Variants in EDN3 observed in about 807,000 individuals in gnomAD.
EDN3 encodes endothelin-3.
Under a neutral mutation model 21.4 loss-of-function variants are expected in EDN3, and 9 were observed. The observed-to-expected ratio is 0.42, with a 90% CI of 0.25 to 0.73. The LOEUF is 0.73. Ranked by LOEUF, EDN3 falls within the 30% of genes least tolerant of loss-of-function variation. EDN3 has a pLI of 0.26. For missense variants in EDN3, 327 were observed against 309.4 expected, an observed-to-expected ratio of 1.06 and a Z score of -0.43; for synonymous variants, 133 against 126.2, an observed-to-expected ratio of 1.05 and a Z score of -0.36.
At chr20:59,316,324 C>T (rs949324523) in intron 2 of EDN3, among the ~76,000 whole-genome samples, 2 of 152,208 alleles carry the variant, frequency 1.3e-5, no homozygotes, top group Non-Finnish European at 1.5e-5. Flanking sequence ...AAGTTTTACC[C>T]GGAGTCTAGT....
intron 2 of EDN3, among the ~76,000 whole-genome samples, chr20:59,316,022 A>T (rs1042425711): frequency 1.3e-5 from 2 of 152,114 alleles, no homozygotes; most frequent in Admixed American, 1.3e-4. Context: ...TGTCTCTACT[A>T]AAAATACAAA....
intron 2 of EDN3, among the ~76,000 whole-genome samples, chr20:59,320,333 C>T (rs999904480): frequency 2.0e-5 from 3 of 152,220 alleles, no homozygotes; most frequent in African/African-American, 7.2e-5. Context: ...CTCATTAGCA[C>T]AAACTGCTGT....
Position 59,324,468 on chromosome 20 carries a change from G to A in EDN3, c.*9G>A. 1 of 1,613,990 alleles carries A rather than the reference G, an allele frequency of 6.2e-7. No individual in the cohort carries two copies. Among genetic ancestry groups the A allele is most frequent in the Non-Finnish European group, 8.5e-7 (1 of 1,180,010 alleles). On this transcript the variant is annotated 3_prime_UTR_variant, in exon 5 of 5. Coordinates refer to ENST00000337938, the MANE Select transcript of EDN3 (RefSeq NM_207034.3). ...AGGAAGGAGCCCCTTAGGAGGACAGGCCTGCAGCATCCTGGTCTCGGGAGG... is the reference window on the plus strand; with the variant it reads ...AGGAAGGAGCCCCTTAGGAGGACAGACCTGCAGCATCCTGGTCTCGGGAGG...
chr20:59,310,739 A>C (rs2146844647), intron 2 of EDN3, among the ~76,000 whole-genome samples: 1 of 152,326 alleles, frequency 6.6e-6, no homozygotes, highest in South Asian at 2.1e-4. Context: ...GCTTCATTTC[A>C]TATGCATTGA....
At position 59,324,740 on chromosome 20, in the gene EDN3, T is replaced by A; in HGVS notation, c.*281T>A. ...ATTGGTTTTGGAGAGTTTTGGCAAG[T>A]TGGAAAGCCACTTACTGGCTTTTGA... On this transcript the variant is annotated 3_prime_UTR_variant, in exon 5 of 5. Transcript: ENST00000337938. 2.0e-6 allele frequency: 1 copy of A among 492,860 alleles called. No homozygotes were observed. The highest frequency in any genetic ancestry group is 3.7e-6 in the Non-Finnish European group (1 of 270,494). The allele number at this position is 492,860 out of a possible 1,614,324, so 30.5% of individuals were successfully genotyped here.
chr20:59,314,017 G>T (rs757373646), intron 2 of EDN3, among the ~76,000 whole-genome samples: 1 of 152,178 alleles, frequency 6.6e-6, no homozygotes, highest in Admixed American at 6.5e-5. Context: ...TCAAATGAGC[G>T]TCCGGGGGTG....
intron 4 of EDN3, among the ~76,000 whole-genome samples, chr20:59,323,500 G>A (rs1990669547): frequency 6.6e-6 from 1 of 152,236 alleles, no homozygotes; most frequent in Admixed American, 6.5e-5. Flanking sequence ...GCAGGAACAA[G>A]GCATAGGATC....
chr20:59,301,014 G>A lies in EDN3; in HGVS notation c.52+150G>A, dbSNP rs554912780. ...CGTGAAGACGCCTGGGGGAGGGCTG[G>A]GGAGCAGAAGCGGCGCGCAACGACT... is the stretch of plus-strand genomic sequence containing the variant. On this transcript the variant is annotated intron_variant, in intron 1 of 4. Transcript: ENST00000337938. 95 of 987,254 alleles carry A rather than the reference G, an allele frequency of 9.6e-5. No homozygotes were observed. In the African/African-American group the frequency reaches 1.4e-3, roughly 14 times the overall value. The allele number at this position is 987,254 out of a possible 1,614,324, so 61.2% of individuals were successfully genotyped here.
intron 2 of EDN3, among the ~76,000 whole-genome samples, chr20:59,313,169 G>A (rs935588315): frequency 1.3e-5 from 2 of 152,224 alleles, no homozygotes; most frequent in Non-Finnish European, 2.9e-5. Flanking sequence ...ACACTGGGTA[G>A]GGCTGTGCAG....
At chr20:59,316,521 C>G (rs555531042) in intron 2 of EDN3, among the ~76,000 whole-genome samples, 2 of 152,280 alleles carry the variant, frequency 1.3e-5, no homozygotes, top group East Asian at 3.9e-4. Flanking sequence ...AGGCCAGTCT[C>G]CTGATCAGAA....
In EDN3 at chr20:59,322,951, CT is replaced by C. The variant is rs1990640805; in HGVS notation, c.588+540del. ...GTATTATTTTTTTTAACCCACTTGT[CT>C]TTTTTGTATGAGAGATCCTGAGGGT... On this transcript the variant is annotated intron_variant, in intron 4 of 4. Coordinates refer to ENST00000337938, the MANE Select transcript of EDN3 (RefSeq NM_207034.3). This position sits in a 1 kb window ranked among gnomAD's most constrained non-coding sequence, Gnocchi z 4.1. Among the ~76,000 whole-genome samples, 1 of 152,054 alleles carries C rather than the reference CT, an allele frequency of 6.6e-6. No homozygotes were observed. The highest frequency in any genetic ancestry group is 6.5e-5 in the Admixed American group (1 of 15,268).
chr20:59,309,466 T>A (rs1047854340), intron 2 of EDN3, among the ~76,000 whole-genome samples: 1 of 152,074 alleles, frequency 6.6e-6, no homozygotes, highest in Non-Finnish European at 1.5e-5. Context: ...CAGGAAGCAA[T>A]CGAGGAAATC....
In EDN3 at chr20:59,324,627, T is replaced by G; in HGVS notation, c.*168T>G. ...CCCCCCCACGGCAAGAATGCCCAAA[T>G]CCGAATGACCCCAGTTTTCCTAATG... is the stretch of plus-strand genomic sequence containing the variant. On this transcript the variant is annotated 3_prime_UTR_variant, in exon 5 of 5. Coordinates refer to ENST00000337938, the MANE Select transcript of EDN3 (RefSeq NM_207034.3). 4.6e-6 allele frequency: 4 copies of G among 871,686 alleles called. No individual in the cohort carries two copies. The highest frequency in any genetic ancestry group is 1.5e-5 in the South Asian group (1 of 65,042). 54.0% of individuals were successfully genotyped at this position (871,686 alleles called of 1,614,324 possible).
At chr20:59,311,382 GT>G (rs933580105) in intron 2 of EDN3, among the ~76,000 whole-genome samples, 2 of 152,188 alleles carry the variant, frequency 1.3e-5, no homozygotes, top group South Asian at 4.1e-4. Flanking sequence ...CCATAGAGCA[GT>G]GGTATGGGCT....
chr20:59,301,838 G>A, intron 2 of EDN3, 116 bp downstream of exon 2: 1 of 1,233,384 alleles, frequency 8.1e-7, no homozygotes, highest in Non-Finnish European at 1.2e-6. Context: ...AGCCTGCCCT[G>A]GCACAGCCTT....
chr20:59,308,031 C>T (rs548811708), intron 2 of EDN3, among the ~76,000 whole-genome samples: 1 of 152,278 alleles, frequency 6.6e-6, no homozygotes, highest in African/African-American at 2.4e-5. Context: ...TGGTCCATCA[C>T]AAGTCCTAAA....
chr20:59,318,324 G>A (rs1317831181), intron 2 of EDN3, among the ~76,000 whole-genome samples: 1 of 152,194 alleles, frequency 6.6e-6, no homozygotes. Context: ...ATGTCGATAC[G>A]GAGTGGCCAG....
intron 4 of EDN3, among the ~76,000 whole-genome samples, chr20:59,323,131 GA>G (rs924419911): frequency 6.6e-6 from 1 of 152,178 alleles, no homozygotes; most frequent in African/African-American, 2.4e-5. Context: ...GAGGGAAGAT[GA>G]AACCATGCTC....
At position 59,301,538 on chromosome 20, in the gene EDN3, C is replaced by T. The variant is rs373609215; in HGVS notation, c.181C>T (p.Pro61Ser). The change falls in exon 2 of 5, where the codon CCT becomes TCT. Residue 61 changes from proline (P) to serine (S), a missense_variant. By Grantham distance (74) the Pro-to-Ser change is moderately conservative (BLOSUM62 -1). Transcript: ENST00000337938. Reference sequence around the variant, plus strand: ...CCCTGGCGAGGAGACTGTGGCTGGCCCTGGCGAGGGGACTGTGGCCCCGAC... The same window carrying T: ...CCCTGGCGAGGAGACTGTGGCTGGCTCTGGCGAGGGGACTGTGGCCCCGAC... The part of the protein sequence containing the change: ...AGPGEETVAG[P>S]GEGTVAPTAL... The T allele has an allele frequency of 1.2e-6, 2 of 1,613,198 alleles. No individual in the cohort carries two copies. The highest frequency in any genetic ancestry group is 1.3e-5 in the African/African-American group (1 of 74,812).
Sources: allele counts gnomAD v4.1 joint callset (sites outside exome capture counted in the v4.1 genomes callset), GRCh38; gene constraint gnomAD v4.1.1; non-coding constraint Gnocchi (gnomAD v3.1); transcripts MANE v1.5; gene names NCBI Gene and HGNC (gene_info 2026-07-23, HGNC 2026-07-21).